The following ADARB2 variants were observed in gnomAD, a reference collection of about 807,000 sequenced individuals.
ADARB2 encodes adenosine deaminase RNA specific B2 (inactive).
A neutral mutation model predicts 62.2 loss-of-function variants in ADARB2; 25 were observed. The observed-to-expected ratio is 0.40, with a 90% confidence interval of 0.29 to 0.56. The LOEUF is 0.56. Among genes scored for constraint, ADARB2 ranks in the 20% least tolerant of loss-of-function variants. The pLI, the probability that ADARB2 is intolerant of heterozygous loss-of-function variation, is 0.43. For missense variants in ADARB2, 1,071 were observed against 1,077.4 expected (o/e 0.99, Z 0.08); for synonymous variants, 572 against 500.8 (o/e 1.14, Z -1.90).
At chr10:1,706,365 G>C (rs1230148203) in intron 1 of ADARB2, among the ~76,000 whole-genome samples, 6 of 152,196 alleles carry the variant, frequency 3.9e-5, no homozygotes, top group South Asian at 2.1e-4. Context: ...GGAACAGCTT[G>C]GGAGTAGAAG....
intron 1 of ADARB2, among the ~76,000 whole-genome samples, chr10:1,729,791 G>A (rs1220756761): frequency 1.3e-5 from 2 of 152,160 alleles, no homozygotes; most frequent in Admixed American, 6.5e-5. Flanking sequence ...TTTCAGGTAG[G>A]AGGAGGCTCC....
intron 1 of ADARB2, among the ~76,000 whole-genome samples, chr10:1,431,247 A>G (rs1469589438): frequency 1.3e-5 from 2 of 152,254 alleles, no homozygotes; most frequent in East Asian, 1.9e-4. Context: ...TTCCTTGACC[A>G]TAAAGGAATT....
chr10:1,653,153 G>A (rs1263851604), intron 1 of ADARB2, among the ~76,000 whole-genome samples: 2 of 152,228 alleles, frequency 1.3e-5, no homozygotes, highest in African/African-American at 4.8e-5. Flanking sequence ...TGACTTGCAC[G>A]AGGGTGTCAG....
chr10:1,596,921 G>T (rs1833343222), intron 1 of ADARB2, among the ~76,000 whole-genome samples: 1 of 152,116 alleles, frequency 6.6e-6, no homozygotes, highest in African/African-American at 2.4e-5. Flanking sequence ...AGTCTTCTTG[G>T]GCAAAAGGGA....
At chr10:1,535,885 G>A (rs2131964129) in intron 1 of ADARB2, among the ~76,000 whole-genome samples, 1 of 152,278 alleles carries the variant, frequency 6.6e-6, no homozygotes, top group Non-Finnish European at 1.5e-5. Flanking sequence ...GCCAGGGTGT[G>A]GTCAGGGCCT....
At chr10:1,465,145 G>A (rs1831237666) in intron 1 of ADARB2, among the ~76,000 whole-genome samples, 1 of 152,200 alleles carries the variant, frequency 6.6e-6, no homozygotes, top group Non-Finnish European at 1.5e-5. Flanking sequence ...GACTGAGGAC[G>A]GCTCCGTTTA....
intron 1 of ADARB2, among the ~76,000 whole-genome samples, chr10:1,613,712 T>C (rs1479543840): frequency 6.6e-6 from 1 of 152,238 alleles, no homozygotes; most frequent in Non-Finnish European, 1.5e-5. Flanking sequence ...ACATGTTTCT[T>C]ATTAGCTGGT....
intron 1 of ADARB2, among the ~76,000 whole-genome samples, chr10:1,431,181 A>G (rs1830774618): frequency 4.6e-5 from 7 of 152,234 alleles, no homozygotes; most frequent in Admixed American, 3.9e-4. Context: ...TATACCATAT[A>G]CTGAGCTACT....
At chr10:1,303,861 G>A (rs979749892) in intron 3 of ADARB2, among the ~76,000 whole-genome samples, 2 of 151,730 alleles carry the variant, frequency 1.3e-5, no homozygotes, top group African/African-American at 4.8e-5. Flanking sequence ...CCCTAAAAGA[G>A]CTCCTGGAGG....
At chr10:1,588,691 G>A (rs1376521665) in intron 1 of ADARB2, among the ~76,000 whole-genome samples, 1 of 152,220 alleles carries the variant, frequency 6.6e-6, no homozygotes, top group African/African-American at 2.4e-5. Context: ...GGGAACAAAG[G>A]CAGGAAGACA....
chr10:1,223,237 G>C (rs1830711248), intron 6 of ADARB2, among the ~76,000 whole-genome samples: 1 of 152,102 alleles, frequency 6.6e-6, no homozygotes, highest in South Asian at 2.1e-4. Flanking sequence ...TGGTGTATAA[G>C]AATGCTTGTG....
intron 2 of ADARB2, among the ~76,000 whole-genome samples, chr10:1,367,548 C>T (rs1299324558): frequency 1.3e-5 from 2 of 152,140 alleles, no homozygotes; most frequent in African/African-American, 4.8e-5. Context: ...TTTGGGTATA[C>T]ATATAGCACT....
At position 1,426,167 on chromosome 10, in the gene ADARB2, G is replaced by A. The variant is rs994873758; in HGVS notation, c.101-47007C>T. The stretch of plus-strand genomic sequence containing the variant: ...GAATCAAGATCTGATGTGTAAAAGA[G>A]CCTGTGGTTTAAAATATGGAGGTAT... On this transcript the variant is annotated intron_variant, in intron 1 of 9. Transcript: ENST00000381312. The surrounding 1 kb of genome is among the most constrained non-coding windows in gnomAD (Gnocchi z 4.1). 6.6e-6 allele frequency among the ~76,000 whole-genome samples: 1 copy of A among 152,140 alleles called. No homozygotes were observed. Among genetic ancestry groups the A allele is most frequent in the Non-Finnish European group, 1.5e-5 (1 of 68,026 alleles).
intron 1 of ADARB2, among the ~76,000 whole-genome samples, chr10:1,491,713 A>G (rs1160496361): frequency 5.9e-5 from 9 of 152,214 alleles, no homozygotes; most frequent in African/African-American, 2.2e-4. Context: ...GTTTTTGTGT[A>G]TACATGCTAC....
At position 1,589,959 on chromosome 10, in the gene ADARB2, C is replaced by T. The variant is rs1329818307; in HGVS notation, c.100+147092G>A. Among the ~76,000 whole-genome samples, 4 of 152,212 alleles carry T rather than the reference C, an allele frequency of 2.6e-5. 1 individual carries two copies. Among genetic ancestry groups the T allele is most frequent in the African/African-American group, 9.6e-5 (4 of 41,456 alleles). On this transcript the variant is annotated intron_variant, in intron 1 of 9. Coordinates refer to ENST00000381312, the MANE Select transcript of ADARB2 (RefSeq NM_018702.4). ...AGTGTCAAGTGGTTTTTAAATGGTC[C>T]TTCTGGCTTCAGCAGGTGCTCCTCT...
At chr10:1,716,144 A>G (rs1449006340) in intron 1 of ADARB2, among the ~76,000 whole-genome samples, 1 of 152,178 alleles carries the variant, frequency 6.6e-6, no homozygotes, top group Non-Finnish European at 1.5e-5. Context: ...CCTGCTGTGC[A>G]TACTCCTCGC....
At chr10:1,575,660 G>A (rs972291073) in intron 1 of ADARB2, among the ~76,000 whole-genome samples, 7 of 152,160 alleles carry the variant, frequency 4.6e-5, no homozygotes, top group African/African-American at 7.2e-5. Flanking sequence ...CTGCTCCTGC[G>A]CCTCTCTGGC....
At chr10:1,484,664 A>G (rs1831519563) in intron 1 of ADARB2, among the ~76,000 whole-genome samples, 1 of 152,180 alleles carries the variant, frequency 6.6e-6, no homozygotes, top group African/African-American at 2.4e-5. Context: ...CTGCATAGGT[A>G]GGTGTGCATG....
chr10:1,453,794 C>T (rs1000290381), intron 1 of ADARB2, among the ~76,000 whole-genome samples: 6 of 152,060 alleles, frequency 3.9e-5, no homozygotes, highest in East Asian at 1.9e-4. Flanking sequence ...ACCAAAACTG[C>T]GAGTTACCGC....
Sources: allele counts gnomAD v4.1 joint callset (sites outside exome capture counted in the v4.1 genomes callset), GRCh38; gene constraint gnomAD v4.1.1; non-coding constraint Gnocchi (gnomAD v3.1); transcripts MANE v1.5; gene names NCBI Gene and HGNC (gene_info 2026-07-23, HGNC 2026-07-21).